Variants in CYP2C19 observed in about 807,000 individuals in gnomAD.
CYP2C19 encodes the protein cytochrome P450 2C19.
In CYP2C19, 59 loss-of-function variants were observed where a neutral mutation model predicts 40.9. That is an observed-to-expected ratio of 1.44 (90% CI 1.17 to 1.79). The LOEUF is 1.79. Among genes scored for constraint, CYP2C19 ranks in the 40% most tolerant of loss-of-function variants. CYP2C19 has a pLI of 0.00. For synonymous variants in CYP2C19, 253 were observed against 208.7 expected (o/e 1.21, Z -1.83); for missense variants, 754 against 596.9 (o/e 1.26, Z -2.74).
intron 6 of CYP2C19, among the ~76,000 whole-genome samples, chr10:94,828,716 C>A (rs922632482): frequency 1.1e-4 from 16 of 151,546 alleles, no homozygotes; most frequent in Non-Finnish European, 1.3e-4. Flanking sequence ...ATGATGTTAG[C>A]TGGTTATTTT....
intron 6 of CYP2C19, among the ~76,000 whole-genome samples, chr10:94,832,294 C>T (rs1265411244): frequency 6.6e-6 from 1 of 152,150 alleles, no homozygotes; most frequent in Admixed American, 6.5e-5. Context: ...GCTGGGGATG[C>T]CTCAAAATCA....
At chr10:94,836,440 G>A (rs907559406) in intron 6 of CYP2C19, among the ~76,000 whole-genome samples, 1 of 152,198 alleles carries the variant, frequency 6.6e-6, no homozygotes, top group East Asian at 1.9e-4. Context: ...CTGTTGGCAA[G>A]CTTAACACTG....
At chr10:94,795,393 C>A (rs1848669026) in intron 5 of CYP2C19, among the ~76,000 whole-genome samples, 1 of 151,982 alleles carries the variant, frequency 6.6e-6, no homozygotes, top group South Asian at 2.1e-4. Flanking sequence ...TTTCTTAATC[C>A]AGTCTATCAT....
At chr10:94,811,296 TCCA>T (rs1201503382) in intron 5 of CYP2C19, among the ~76,000 whole-genome samples, 1 of 152,184 alleles carries the variant, frequency 6.6e-6, no homozygotes, top group African/African-American at 2.4e-5. Flanking sequence ...GTGTTTTACT[TCCA>T]ATTATGTGGT....
At chr10:94,833,492 C>T (rs1849360278) in intron 6 of CYP2C19, among the ~76,000 whole-genome samples, 1 of 151,622 alleles carries the variant, frequency 6.6e-6, no homozygotes, top group Non-Finnish European at 1.5e-5. Flanking sequence ...GGTACATGTG[C>T]ACATTGTGCA....
At chr10:94,817,623 C>T (rs995372018) in intron 5 of CYP2C19, among the ~76,000 whole-genome samples, 53 of 146,384 alleles carry the variant, frequency 3.6e-4, no homozygotes, top group African/African-American at 1.3e-3. Context: ...GTTGCCATTG[C>T]TTTTGGTGTT....
intron 6 of CYP2C19, among the ~76,000 whole-genome samples, chr10:94,829,967 A>G (rs180944671): frequency 0.077 from 11,694 of 152,244 alleles, 504 homozygotes; most frequent in South Asian, 0.12. Flanking sequence ...TAGGCTGCTC[A>G]GGGGTCAGGG....
intron 6 of CYP2C19, among the ~76,000 whole-genome samples, chr10:94,832,735 G>A (rs1215986037): frequency 6.6e-6 from 1 of 151,638 alleles, no homozygotes; most frequent in East Asian, 1.9e-4. Context: ...TGATAGTTTT[G>A]ACTATTCTGG....
intron 6 of CYP2C19, among the ~76,000 whole-genome samples, chr10:94,823,757 GC>G (rs1169673731): frequency 1.3e-5 from 2 of 152,158 alleles, no homozygotes; most frequent in Non-Finnish European, 2.9e-5. Context: ...TTGCACATTT[GC>G]CAAAATTTTA....
rs548393441 is a variant in CYP2C19, at chr10:94,800,854, C to T, written c.819+18857C>T. Among the ~76,000 whole-genome samples the T allele has an allele frequency of 3.9e-5, 6 of 152,334 alleles. No individual in the cohort carries two copies. In the South Asian group the frequency reaches 8.3e-4, roughly 21 times the overall value. On this transcript the variant is annotated intron_variant, in intron 5 of 8. Coordinates refer to ENST00000371321, the MANE Select transcript of CYP2C19 (RefSeq NM_000769.4). ...CACGGGAGAGAATCTTCTAGTCTGC[C>T]TGTTGCTAAGACCATGGGAAAAGCA...
rs547760141 is a variant in CYP2C19 at position 94,764,176 on chromosome 10, A to C, written c.168+1303A>C. ...AGCAAAAGAACAAAGCTTCCACAGC[A>C]TGGAAGGGGACCCAAGAGGGTTGCC... On this transcript the variant is annotated intron_variant, in intron 1 of 8. Coordinates refer to ENST00000371321, the MANE Select transcript of CYP2C19 (RefSeq NM_000769.4). Among the ~76,000 whole-genome samples the C allele has an allele frequency of 2.6e-3, 392 of 152,194 alleles. 2 individuals are homozygous for C. Among genetic ancestry groups the C allele is most frequent in the Non-Finnish European group, 4.3e-3 (295 of 68,010 alleles).
chr10:94,795,667 C>T (rs1267251457), intron 5 of CYP2C19, among the ~76,000 whole-genome samples: 8 of 152,140 alleles, frequency 5.3e-5, no homozygotes, highest in South Asian at 2.1e-4. Flanking sequence ...CAGCACCTGT[C>T]GTTTCCTGAC....
Position 94,842,929 on chromosome 10 carries a change from G to C in CYP2C19, c.1054G>C (p.Val352Leu). The change falls in exon 7 of 9, where the codon GTG (valine) becomes CTG (leucine). Residue 352 changes from valine (V) to leucine (L), a missense_variant. By Grantham distance (32) the Val-to-Leu change is conservative (BLOSUM62 1). Transcript: ENST00000371321. ...RGHMPYTDAV[V>L]HEVQRYIDLI... ...CCACATGCCCTACACAGATGCTGTG[G>C]TGCACGAGGTCCAGAGATACATCGA... is the stretch of plus-strand genomic sequence containing the variant. 6.2e-7 allele frequency: 1 copy of C among 1,614,204 alleles called. No individual in the cohort carries two copies.
At chr10:94,808,832 T>C (rs749004150) in intron 5 of CYP2C19, among the ~76,000 whole-genome samples, 1 of 152,172 alleles carries the variant, frequency 6.6e-6, no homozygotes, top group Non-Finnish European at 1.5e-5. Flanking sequence ...TATCCACTCA[T>C]CCATTGATGA....
chr10:94,783,552 C>A (rs1285682121), intron 5 of CYP2C19, among the ~76,000 whole-genome samples: 1 of 152,072 alleles, frequency 6.6e-6, no homozygotes, highest in Non-Finnish European at 1.5e-5. Context: ...ATTTTTTCCT[C>A]CTATTGAATT....
chr10:94,763,506 T>A (rs1026112862), intron 1 of CYP2C19, among the ~76,000 whole-genome samples: 1 of 152,108 alleles, frequency 6.6e-6, no homozygotes, highest in Non-Finnish European at 1.5e-5. Flanking sequence ...TTTTCTTGAG[T>A]AAAAGATGTT....
intron 7 of CYP2C19, among the ~76,000 whole-genome samples, chr10:94,846,559 T>C (rs1218520233): frequency 6.6e-6 from 1 of 152,192 alleles, no homozygotes; most frequent in Admixed American, 6.5e-5. Flanking sequence ...TCCAATAGTT[T>C]TATCTTTCAT....
At chr10:94,815,170 C>T (rs994401029) in intron 5 of CYP2C19, among the ~76,000 whole-genome samples, 17 of 150,590 alleles carry the variant, frequency 1.1e-4, no homozygotes, top group Non-Finnish European at 2.1e-4. Context: ...TGGTTTGTGA[C>T]TGCACTGTTC....
chr10:94,844,592 T>C (rs538051460), intron 7 of CYP2C19, among the ~76,000 whole-genome samples: 2 of 152,306 alleles, frequency 1.3e-5, no homozygotes, highest in East Asian at 3.9e-4. Context: ...TAAAGTTATA[T>C]TTTCAAGGGG....
Sources: gnomAD v4.1 joint callset for allele counts (sites outside exome capture counted in the v4.1 genomes callset) on GRCh38, gnomAD v4.1.1 for gene constraint, MANE v1.5 for transcripts, NCBI Gene and HGNC (gene_info 2026-07-23, HGNC 2026-07-21) for gene names.